SLC25A26: variants seen among roughly 807,000 people sequenced by gnomAD.
The protein encoded by SLC25A26 is solute carrier family 25 member 26.
Under a neutral mutation model 37.8 loss-of-function variants are expected in SLC25A26, and 36 were observed. That is an observed-to-expected ratio of 0.95 (90% CI 0.73 to 1.26). The LOEUF is 1.26. SLC25A26 is among the 50% of genes most tolerant of loss of function. The pLI is 0.00. For missense variants in SLC25A26, 390 were observed against 331.1 expected (o/e 1.18, Z -1.38); for synonymous variants, 129 against 122.5 (o/e 1.05, Z -0.35).
intron 1 of SLC25A26, among the ~76,000 whole-genome samples, chr3:66,150,413 G>T (rs2070181860): frequency 6.7e-6 from 1 of 149,604 alleles, no homozygotes; most frequent in Non-Finnish European, 1.5e-5. Flanking sequence ...CATGAGAATG[G>T]CTTGAACCTG....
chr3:66,209,898 T>TTATATATATATATATATATATATATA (rs1159734636), intron 1 of SLC25A26, among the ~76,000 whole-genome samples: 1 of 38,606 alleles, frequency 2.6e-5, no homozygotes, highest in Non-Finnish European at 5.0e-5. Flanking sequence ...CTCTCTCTAT[T>TTATATATATATATATATATATATATA]TATATATATA....
chr3:66,160,299 A>G (rs1322011578), intron 1 of SLC25A26, among the ~76,000 whole-genome samples: 1 of 152,132 alleles, frequency 6.6e-6, no homozygotes, highest in Non-Finnish European at 1.5e-5. Flanking sequence ...CTAATAATGA[A>G]TCTTGTCAGA....
At chr3:66,329,182 C>G (rs905854927) in intron 5 of SLC25A26, among the ~76,000 whole-genome samples, 1 of 152,068 alleles carries the variant, frequency 6.6e-6, no homozygotes, top group African/African-American at 2.4e-5. Context: ...AAAATAAGAG[C>G]TTACTGTAAA....
intron 3 of SLC25A26, among the ~76,000 whole-genome samples, chr3:66,255,900 G>C (rs2073280251): frequency 1.3e-5 from 2 of 152,264 alleles, no homozygotes; most frequent in South Asian, 4.1e-4. Flanking sequence ...CATGCTGGGT[G>C]CTTTGTACCC....
intron 5 of SLC25A26, among the ~76,000 whole-genome samples, chr3:66,293,999 G>A (rs2107523704): frequency 6.6e-6 from 1 of 152,060 alleles, no homozygotes; most frequent in Middle Eastern, 3.4e-3. Flanking sequence ...TGGCTACCTG[G>A]GCTCTTTTTT....
At chr3:66,213,128 G>A (rs1036884270) in intron 1 of SLC25A26, among the ~76,000 whole-genome samples, 4 of 152,078 alleles carry the variant, frequency 2.6e-5, no homozygotes, top group South Asian at 2.1e-4. Context: ...GCCCAGGCGC[G>A]GTGGCTCACG....
chr3:66,142,739 T>C (rs1195866748), intron 1 of SLC25A26, among the ~76,000 whole-genome samples: 2 of 152,088 alleles, frequency 1.3e-5, no homozygotes, highest in Non-Finnish European at 2.9e-5. Context: ...TCACATAAAA[T>C]TTGTATGCTA....
At chr3:66,355,462 A>G (rs1194089733) in intron 6 of SLC25A26, among the ~76,000 whole-genome samples, 2 of 152,162 alleles carry the variant, frequency 1.3e-5, no homozygotes, top group Middle Eastern at 3.2e-3. Flanking sequence ...TCAGTTAGGT[A>G]TATCCATTTT....
chr3:66,287,339 C>T (rs1001113708), intron 5 of SLC25A26, among the ~76,000 whole-genome samples: 2 of 150,930 alleles, frequency 1.3e-5, no homozygotes, highest in Admixed American at 6.6e-5. Context: ...TGTCTTTTCT[C>T]TCCTAAAACA....
intron 1 of SLC25A26, among the ~76,000 whole-genome samples, chr3:66,200,534 G>T (rs1220660728): frequency 6.6e-6 from 1 of 152,200 alleles, no homozygotes; most frequent in Admixed American, 6.5e-5. Context: ...ACTGGTTACT[G>T]CTTATTGTGG....
chr3:66,137,872 C>G (rs1191872450), intron 1 of SLC25A26, among the ~76,000 whole-genome samples: 6 of 152,052 alleles, frequency 3.9e-5, no homozygotes, highest in African/African-American at 1.4e-4. Context: ...GTCGCTCTGT[C>G]ACCCAGGCTG....
intron 5 of SLC25A26, among the ~76,000 whole-genome samples, chr3:66,335,233 T>G (rs1332156630): frequency 6.6e-6 from 1 of 152,226 alleles, no homozygotes; most frequent in Non-Finnish European, 1.5e-5. Context: ...AGATTATTTG[T>G]AGATCTCAAC....
intron 1 of SLC25A26, among the ~76,000 whole-genome samples, chr3:66,212,509 T>C (rs2071297810): frequency 6.6e-6 from 1 of 152,186 alleles, no homozygotes; most frequent in Non-Finnish European, 1.5e-5. Context: ...ATACATAGGG[T>C]TCAGTACTTT....
chr3:66,264,721 G>T (rs1362193783), intron 5 of SLC25A26, among the ~76,000 whole-genome samples: 1 of 152,164 alleles, frequency 6.6e-6, no homozygotes, highest in Non-Finnish European at 1.5e-5. Flanking sequence ...CCTGTCCCTG[G>T]TGCCAAAAAG....
intron 5 of SLC25A26, among the ~76,000 whole-genome samples, chr3:66,333,798 A>T (rs969254577): frequency 5.3e-5 from 8 of 152,028 alleles, no homozygotes; most frequent in Non-Finnish European, 1.2e-4. Context: ...GGGTTCAAAG[A>T]GGCTTGTCTC....
rs561425675 is a variant in SLC25A26, at chr3:66,264,772, CTG to C, written c.453+1395_453+1396del. On this transcript the variant is annotated intron_variant, in intron 5 of 9. Coordinates refer to ENST00000354883, the MANE Select transcript of SLC25A26 (RefSeq NM_001379210.1). ...TTTAAGAGGTGGATGTCTCAGAAGT[CTG>C]TATCAGGCAGTGAGCCCTTGGCTTC... Among the ~76,000 whole-genome samples, 44 of 152,286 alleles carry C rather than the reference CTG, an allele frequency of 2.9e-4. No homozygotes were observed. The South Asian group carries it at 8.3e-3, about 29-fold the overall frequency.
chr3:66,361,067 TAGAG>T (rs2076696357), intron 6 of SLC25A26, among the ~76,000 whole-genome samples: 1 of 152,168 alleles, frequency 6.6e-6, no homozygotes, highest in South Asian at 2.1e-4. Flanking sequence ...GAGAACATAA[TAGAG>T]AGTTCAGAAA....
intron 1 of SLC25A26, among the ~76,000 whole-genome samples, chr3:66,204,520 C>A (rs1452894769): frequency 6.6e-6 from 1 of 151,118 alleles, no homozygotes; most frequent in Non-Finnish European, 1.5e-5. Context: ...TCTAAAATGC[C>A]AATATCATCA....
chr3:66,251,733 G>T (rs1489630397), intron 3 of SLC25A26, among the ~76,000 whole-genome samples: 1 of 152,150 alleles, frequency 6.6e-6, no homozygotes, highest in African/African-American at 2.4e-5. Context: ...AAGGAACATT[G>T]TACCCCATCT....
Sources: allele counts gnomAD v4.1 joint callset (sites outside exome capture counted in the v4.1 genomes callset), GRCh38; gene constraint gnomAD v4.1.1; transcripts MANE v1.5; gene names NCBI Gene and HGNC (gene_info 2026-07-23, HGNC 2026-07-21).